SDHAF4: variants seen among roughly 807,000 people sequenced by gnomAD.
SDHAF4 encodes succinate dehydrogenase complex assembly factor 4, also known as succinate dehydrogenase assembly factor 4, mitochondrial.
Under a neutral mutation model 14.3 loss-of-function variants are expected in SDHAF4, and 14 were observed. That is an observed-to-expected ratio of 0.98 (90% confidence interval 0.65 to 1.53). The LOEUF (loss-of-function observed/expected upper bound fraction) is 1.53. SDHAF4 is among the 40% of genes most tolerant of loss of function. The pLI, the probability that SDHAF4 is intolerant of heterozygous loss-of-function variation, is 0.00. For missense variants in SDHAF4, 141 were observed against 129.3 expected, an observed-to-expected ratio of 1.09 and a Z score of -0.44; for synonymous variants, 63 against 47.3, an observed-to-expected ratio of 1.33 and a Z score of -1.36.
intron 1 of SDHAF4, among the ~76,000 whole-genome samples, chr6:70,572,840 G>A (rs781735335): frequency 1.3e-4 from 20 of 152,134 alleles, no homozygotes; most frequent in Non-Finnish European, 8.8e-5. Context: ...GCACAGGTAT[G>A]TGTGTTTTGG....
chr6:70,584,013 GT>G (rs1416281198), intron 2 of SDHAF4, among the ~76,000 whole-genome samples: 29 of 94,032 alleles, frequency 3.1e-4, no homozygotes, highest in African/African-American at 1.5e-3. Context: ...GTTGAGTGAG[GT>G]TGTTGTTGTT....
chr6:70,598,189 C>T, the SDHAF4 span, among the ~76,000 whole-genome samples: 3 of 152,122 alleles, frequency 2.0e-5, no homozygotes, highest in Non-Finnish European at 4.4e-5. Context: ...ACCAGCCTGG[C>T]TAATATGGTG....
At chr6:70,593,850 C>G (rs1407494571), downstream of SDHAF4, among the ~76,000 whole-genome samples, 6 of 151,824 alleles carry the variant, frequency 4.0e-5, no homozygotes, top group African/African-American at 1.5e-4. Context: ...TTCCACCGTG[C>G]CTGGCTAATT....
At chr6:70,596,749 C>T in the SDHAF4 span, 1 of 150,640 alleles carries the variant, frequency 6.6e-6, no homozygotes, top group Non-Finnish European at 1.5e-5. Context: ...ATTATGTCTA[C>T]TAGGTCCCAG....
intron 1 of SDHAF4, among the ~76,000 whole-genome samples, chr6:70,571,595 G>T (rs1392925086): frequency 1.3e-5 from 2 of 152,146 alleles, no homozygotes; most frequent in East Asian, 1.9e-4. Context: ...TTACAGGTGT[G>T]AGCCACCGCG....
chr6:70,590,450 T>C (rs1267244870), downstream of SDHAF4, among the ~76,000 whole-genome samples: 2 of 152,218 alleles, frequency 1.3e-5, no homozygotes, highest in Admixed American at 1.3e-4. Context: ...AATACAGGTG[T>C]TCCCAGAATA....
chr6:70,575,895 A>C lies in SDHAF4; in HGVS notation c.65-3519A>C, dbSNP rs545371768. On this transcript the variant is annotated intron_variant, in intron 1 of 2. Coordinates refer to ENST00000370474, the MANE Select transcript of SDHAF4 (RefSeq NM_145267.3). ...TGGTTGTTATTTCATGATGTTGTTA[A>C]AAGAGGCTTTTGTTTTAAGTTTGTC... Among the ~76,000 whole-genome samples, 3 of 151,894 alleles carry C rather than the reference A, an allele frequency of 2.0e-5. No individual in the cohort carries two copies. In the East Asian group the frequency reaches 5.8e-4, roughly 29 times the overall value.
At chr6:70,568,186 T>G (rs1802129755) in intron 1 of SDHAF4, among the ~76,000 whole-genome samples, 2 of 152,190 alleles carry the variant, frequency 1.3e-5, no homozygotes, top group South Asian at 4.1e-4. Context: ...AAGTCCTACA[T>G]TATCCAAACC....
At chr6:70,573,677 AT>A (rs576602774) in intron 1 of SDHAF4, among the ~76,000 whole-genome samples, 4 of 119,508 alleles carry the variant, frequency 3.3e-5, no homozygotes, top group Non-Finnish European at 1.8e-5. Flanking sequence ...TCTTTTTTTT[AT>A]TTTTTTTTTA....
At chr6:70,569,561 G>A (rs13194594) in intron 1 of SDHAF4, among the ~76,000 whole-genome samples, 20,351 of 152,164 alleles carry the variant, frequency 0.13, 1,876 homozygotes, top group Middle Eastern at 0.22. Flanking sequence ...TTAACAGATT[G>A]CTTCTTATTT....
downstream of SDHAF4, among the ~76,000 whole-genome samples, chr6:70,593,311 TCAGA>T (rs1482698342): frequency 4.6e-5 from 7 of 152,186 alleles, no homozygotes; most frequent in African/African-American, 1.7e-4. Context: ...AAAGGATGTA[TCAGA>T]CAGCTTGTGG....
At chr6:70,577,642 C>T (rs1167701199) in intron 1 of SDHAF4, among the ~76,000 whole-genome samples, 1 of 152,038 alleles carries the variant, frequency 6.6e-6, no homozygotes, top group Admixed American at 6.6e-5. Context: ...ATTTGGGATA[C>T]GAATAATCCC....
chr6:70,573,901 C>T (rs1422237484), intron 1 of SDHAF4, among the ~76,000 whole-genome samples: 1 of 151,638 alleles, frequency 6.6e-6, no homozygotes, highest in African/African-American at 2.4e-5. Flanking sequence ...GTCTGGAACT[C>T]CTGACCTCAA....
chr6:70,578,068 AG>A (rs1183758460), intron 1 of SDHAF4, among the ~76,000 whole-genome samples: 2 of 152,146 alleles, frequency 1.3e-5, no homozygotes, highest in African/African-American at 2.4e-5. Flanking sequence ...AAAAATGAGT[AG>A]TTTTCTTTTG....
rs111984940 is a variant in SDHAF4, at chr6:70,582,639, G to A, written c.217+3073G>A. On this transcript the variant is annotated intron_variant, in intron 2 of 2. Coordinates refer to ENST00000370474, the MANE Select transcript of SDHAF4 (RefSeq NM_145267.3). ...CCCATCTACCAAGTCACCCAAGCCC[G>A]AAATCTGGGGATAATCTTTCACTCC... Among the ~76,000 whole-genome samples the A allele has an allele frequency of 4.4e-3, 665 of 152,228 alleles. 3 individuals carry two copies. Among genetic ancestry groups the A allele is most frequent in the African/African-American group, 0.015 (622 of 41,532 alleles).
intron 2 of SDHAF4, among the ~76,000 whole-genome samples, chr6:70,581,491 A>T (rs1241884858): frequency 1.3e-5 from 2 of 152,318 alleles, no homozygotes; most frequent in East Asian, 3.9e-4. Flanking sequence ...GTTTTATTTG[A>T]ACAATCCACA....
At chr6:70,595,866 GA>G in the SDHAF4 span, among the ~76,000 whole-genome samples, 13 of 139,424 alleles carry the variant, frequency 9.3e-5, no homozygotes, top group African/African-American at 3.2e-4. Flanking sequence ...AAGAAAAAAA[GA>G]AAAATAGTAT....
At chr6:70,577,594 G>A (rs56114703) in intron 1 of SDHAF4, among the ~76,000 whole-genome samples, 19,592 of 152,152 alleles carry the variant, frequency 0.13, 1,547 homozygotes, top group Middle Eastern at 0.19. Flanking sequence ...GGGAGTACAC[G>A]TGCAGGTTTG....
Position 70,579,553 on chromosome 6 carries a change from A to G in SDHAF4, c.204A>G (p.Lys68=). The part of the protein sequence containing the change: ...FDAPEDSHLE[K]EPLEKFPDDV... ...CACCAGAGGATTCCCATTTAGAGAA[A>G]GAACCACTGGAAAGTAAGTATAATA... is the stretch of plus-strand genomic sequence containing the variant. Residue 68 remains lysine (K), a synonymous_variant, in exon 2 of 3, where the codon AAA becomes AAG. Transcript: ENST00000370474. 3 of 1,603,008 alleles carry G rather than the reference A, an allele frequency of 1.9e-6. No homozygotes were observed. The highest frequency in any genetic ancestry group is 2.6e-6 in the Non-Finnish European group (3 of 1,174,344).
Sources: gnomAD v4.1 joint callset for allele counts (sites outside exome capture counted in the v4.1 genomes callset) on GRCh38, gnomAD v4.1.1 for gene constraint, MANE v1.5 for transcripts, NCBI Gene and HGNC (gene_info 2026-07-23, HGNC 2026-07-21) for gene names.